Variants in ITGB6 observed in about 807,000 individuals in gnomAD.
ITGB6 encodes integrin subunit beta 6.
ITGB6 carries 80 observed loss-of-function variants against 84.5 expected under a neutral mutation model. The observed-to-expected ratio is 0.95, with a 90% CI of 0.79 to 1.14. The LOEUF is 1.14. ITGB6 is among the 50% of genes most tolerant of loss of function. The pLI, the probability that ITGB6 is intolerant of heterozygous loss-of-function variation, is 0.00. For missense variants in ITGB6, 1,006 were observed against 968.0 expected (o/e 1.04, Z -0.52); for synonymous variants, 383 against 354.9 (o/e 1.08, Z -0.89).
intron 12 of ITGB6, 76 bp from the exon 13 acceptor site, chr2:160,112,275 G>T: frequency 7.6e-7 from 1 of 1,320,906 alleles, no homozygotes; most frequent in Non-Finnish European, 1.1e-6. Context: ...GTAGTATTGA[G>T]TTTTAATATG....
chr2:160,189,656 A>G (rs1170627977), intron 4 of ITGB6, among the ~76,000 whole-genome samples: 8 of 152,082 alleles, frequency 5.3e-5, no homozygotes, highest in Non-Finnish European at 1.2e-4. Flanking sequence ...ACAATGAGAT[A>G]CCATCTCACA....
chr2:160,115,806 G>C (rs1178600768), intron 12 of ITGB6, among the ~76,000 whole-genome samples: 1 of 152,224 alleles, frequency 6.6e-6, no homozygotes, highest in Non-Finnish European at 1.5e-5. Flanking sequence ...TCAACGCAGA[G>C]AAGTCCTTAA....
intron 10 of ITGB6, among the ~76,000 whole-genome samples, chr2:160,132,156 G>A (rs533268784): frequency 1.1e-4 from 17 of 152,192 alleles, no homozygotes; most frequent in African/African-American, 3.1e-4. Context: ...ATGTGGTGAC[G>A]GCCTTTGGCT....
intron 6 of ITGB6, among the ~76,000 whole-genome samples, chr2:160,171,329 ATTTTTTTATTTTT>A (rs1440539144): frequency 1.6e-5 from 2 of 123,962 alleles, no homozygotes; most frequent in Admixed American, 8.1e-5. Flanking sequence ...AATCAAATTT[ATTTTTTTATTTTT>A]TTTTTTTTTG....
intron 12 of ITGB6, among the ~76,000 whole-genome samples, chr2:160,119,610 G>A (rs1208804614): frequency 6.6e-6 from 1 of 151,890 alleles, no homozygotes; most frequent in Non-Finnish European, 1.5e-5. Flanking sequence ...GCATGGGCAA[G>A]GACTTCATGT....
At position 160,199,161 on chromosome 2, in the gene ITGB6, T is replaced by G; in HGVS notation, c.141+18A>C. ...CTGCAGACAGGTTTTAAAAACACAT[T>G]GAGGTCATTTATTTTACCTCCTGAG... On this transcript the variant is annotated intron_variant, in intron 2 of 14. Transcript: ENST00000283249. The G allele has an allele frequency of 6.3e-7, 1 of 1,598,000 alleles. No individual in the cohort carries two copies. Among genetic ancestry groups the G allele is most frequent in the Non-Finnish European group, 8.6e-7 (1 of 1,165,498 alleles).
intron 12 of ITGB6, among the ~76,000 whole-genome samples, chr2:160,116,724 G>A (rs1194535177): frequency 6.6e-6 from 1 of 152,146 alleles, no homozygotes; most frequent in African/African-American, 2.4e-5. Context: ...CTGGCAAATT[G>A]GATGAAGACT....
chr2:160,127,789 T>C (rs1240253691), intron 10 of ITGB6, among the ~76,000 whole-genome samples: 1 of 152,202 alleles, frequency 6.6e-6, no homozygotes, highest in African/African-American at 2.4e-5. Context: ...TGCATATTTA[T>C]TTAGTTATTT....
intron 4 of ITGB6, among the ~76,000 whole-genome samples, chr2:160,192,345 A>T (rs966585091): frequency 6.6e-6 from 1 of 152,154 alleles, no homozygotes; most frequent in Non-Finnish European, 1.5e-5. Context: ...TTGTCAACAA[A>T]GACATTAAGA....
chr2:160,172,352 T>C (rs1685239190), intron 6 of ITGB6, among the ~76,000 whole-genome samples: 1 of 152,210 alleles, frequency 6.6e-6, no homozygotes, highest in South Asian at 2.1e-4. Context: ...ATGGGATTCA[T>C]AGCAGATCTA....
At chr2:160,134,061 G>C (rs1200332722) in intron 10 of ITGB6, among the ~76,000 whole-genome samples, 1 of 152,158 alleles carries the variant, frequency 6.6e-6, no homozygotes, top group Non-Finnish European at 1.5e-5. Context: ...GATCAGAGCA[G>C]AACTGAAGGA....
chr2:160,161,417 A>C (rs904090321), intron 7 of ITGB6, among the ~76,000 whole-genome samples: 1 of 152,136 alleles, frequency 6.6e-6, no homozygotes, highest in Admixed American at 6.5e-5. Context: ...CAGCCTCCCA[A>C]GTAGCTGGGA....
At chr2:160,110,683 T>C (rs1325381549) in intron 13 of ITGB6, among the ~76,000 whole-genome samples, 1 of 152,202 alleles carries the variant, frequency 6.6e-6, no homozygotes, top group Non-Finnish European at 1.5e-5. Flanking sequence ...AGTTCTTTTT[T>C]TCAATTTGCT....
intron 10 of ITGB6, among the ~76,000 whole-genome samples, chr2:160,130,612 A>G (rs1482896671): frequency 1.3e-5 from 2 of 152,202 alleles, no homozygotes; most frequent in African/African-American, 4.8e-5. Context: ...TTCATAACCT[A>G]TACAATTTAT....
chr2:160,106,454 G>A (rs891462364), intron 14 of ITGB6, among the ~76,000 whole-genome samples: 7 of 152,034 alleles, frequency 4.6e-5, no homozygotes, highest in South Asian at 4.1e-4. Flanking sequence ...TGCCCAACTC[G>A]AACTCCTGAG....
intron 13 of ITGB6, among the ~76,000 whole-genome samples, chr2:160,110,078 GC>G (rs1187847255): frequency 6.6e-6 from 1 of 152,150 alleles, no homozygotes; most frequent in Non-Finnish European, 1.5e-5. Context: ...GTCGGATGAT[GC>G]TGATCTAACA....
At chr2:160,171,593 C>T (rs1219067524) in intron 6 of ITGB6, among the ~76,000 whole-genome samples, 1 of 152,268 alleles carries the variant, frequency 6.6e-6, no homozygotes, top group Non-Finnish European at 1.5e-5. Context: ...CTCGGCCTCC[C>T]AAAATGCTGG....
At chr2:160,149,282 G>T (rs530237267) in intron 7 of ITGB6, among the ~76,000 whole-genome samples, 1 of 152,332 alleles carries the variant, frequency 6.6e-6, no homozygotes, top group South Asian at 2.1e-4. Context: ...TTGCTGTTCT[G>T]CAGCCTCTGC....
intron 7 of ITGB6, among the ~76,000 whole-genome samples, chr2:160,165,026 T>A (rs1574107915): frequency 6.6e-6 from 1 of 152,188 alleles, no homozygotes; most frequent in East Asian, 1.9e-4. Flanking sequence ...TCCCAGATAC[T>A]ATCAATTAAG....
Sources: gnomAD v4.1 joint callset for allele counts (sites outside exome capture counted in the v4.1 genomes callset) on GRCh38, gnomAD v4.1.1 for gene constraint, MANE v1.5 for transcripts, NCBI Gene and HGNC (gene_info 2026-07-23, HGNC 2026-07-21) for gene names.